The following RAD51AP1 variants were observed in gnomAD, a reference collection of about 807,000 sequenced individuals.
RAD51AP1 encodes the protein RAD51 associated protein 1, also known as RAD51-associated protein 1.
A neutral mutation model predicts 34.3 loss-of-function variants in RAD51AP1; 14 were observed. The ratio of observed to expected loss-of-function variants is 0.41; its 90% CI spans 0.27 to 0.64. The LOEUF (loss-of-function observed/expected upper bound fraction) is 0.64, where lower values mean the gene tolerates loss of function less well. RAD51AP1 is among the 30% of genes least tolerant of loss of function. The pLI is 0.33. For synonymous variants in RAD51AP1, 114 were observed against 129.8 expected (o/e 0.88, Z 0.83); for missense variants, 348 against 386.9 (o/e 0.90, Z 0.84).
At position 4,542,788 on chromosome 12, in the gene RAD51AP1, T is replaced by C. The variant is rs1348017284; in HGVS notation, c.67+855T>C. Among the ~76,000 whole-genome samples the C allele has an allele frequency of 2.0e-5, 3 of 152,232 alleles. No homozygotes were observed. The South Asian group carries it at 6.2e-4, about 31-fold the overall frequency. Reference sequence around the variant, plus strand: ...TATACATGTGGAAAAGCCACAGCAGTAGTTTTACGTTGACAGTCAAGAGTA... The same window carrying C: ...TATACATGTGGAAAAGCCACAGCAGCAGTTTTACGTTGACAGTCAAGAGTA... On this transcript the variant is annotated intron_variant, in intron 2 of 8. Coordinates refer to ENST00000352618, the MANE Select transcript of RAD51AP1 (RefSeq NM_006479.5).
chr12:4,543,141 A>G (rs1211403978), intron 2 of RAD51AP1, among the ~76,000 whole-genome samples: 1 of 152,044 alleles, frequency 6.6e-6, no homozygotes, highest in East Asian at 1.9e-4. Context: ...GCTCACTGCA[A>G]CCTCTGCCTC....
intron 6 of RAD51AP1, among the ~76,000 whole-genome samples, chr12:4,550,230 A>T (rs951852502): frequency 2.6e-5 from 4 of 152,176 alleles, no homozygotes; most frequent in African/African-American, 9.7e-5. Context: ...GATTAGTTGG[A>T]CCCCATTTCT....
Position 4,548,153 on chromosome 12 carries a change from T to G in RAD51AP1, c.381T>G (p.Asn127Lys). 8 of 1,602,442 alleles carry G rather than the reference T, an allele frequency of 5.0e-6. No homozygotes were observed. Among genetic ancestry groups the G allele is most frequent in the Non-Finnish European group, 6.8e-6 (8 of 1,177,320 alleles). ...TGAATAAGTCTCCTCATATCTCTAA[T>G]TGCAGTGTAGCCAGTGATTATTTAG... ...ETMNKSPHISNCSVASDYLDL... is the reference protein window; with the variant it reads ...ETMNKSPHISKCSVASDYLDL... The change falls in exon 5 of 9, where the codon AAT (asparagine) becomes AAG (lysine). Residue 127 changes from asparagine (N) to lysine (K), a missense_variant. Transcript: ENST00000352618.
chr12:4,549,381 A>G (rs1479410208), intron 6 of RAD51AP1, among the ~76,000 whole-genome samples: 2 of 152,238 alleles, frequency 1.3e-5, no homozygotes. Flanking sequence ...TATTAATTAA[A>G]AATTTAAATT....
intron 6 of RAD51AP1, 126 bp downstream of exon 6, chr12:4,548,962 A>G (rs1341226394): frequency 3.0e-6 from 3 of 984,048 alleles, no homozygotes; most frequent in Admixed American, 5.3e-5. Context: ...GACACACAGA[A>G]CAGTTCAATT....
At chr12:4,548,356 C>A (rs893819313) in intron 5 of RAD51AP1, among the ~76,000 whole-genome samples, 178 bp downstream of exon 5, 3 of 152,214 alleles carry the variant, frequency 2.0e-5, no homozygotes, top group Non-Finnish European at 2.9e-5. Flanking sequence ...GACACACATT[C>A]TTCCCTGAAG....
chr12:4,555,472 A>T (rs1944575537), intron 7 of RAD51AP1, among the ~76,000 whole-genome samples: 1 of 152,168 alleles, frequency 6.6e-6, no homozygotes, highest in Non-Finnish European at 1.5e-5. Context: ...TTTAAAATAC[A>T]AATCACTCCT....
At chr12:4,545,142 T>A in intron 3 of RAD51AP1, 1 of 415,992 alleles carries the variant, frequency 2.4e-6, no homozygotes. Context: ...TAAAAAAAAA[T>A]GGAGGCAATC....
chr12:4,550,486 C>T (rs1407667812), intron 6 of RAD51AP1: 2 of 152,260 alleles, frequency 1.3e-5, no homozygotes, highest in Non-Finnish European at 2.9e-5. Context: ...TAACAGCCCT[C>T]ATGGGACCTG....
chr12:4,544,795 G>A (rs1317944768), intron 3 of RAD51AP1, among the ~76,000 whole-genome samples: 1 of 152,120 alleles, frequency 6.6e-6, no homozygotes, highest in African/African-American at 2.4e-5. Flanking sequence ...ACTTTCTCCA[G>A]AGAAGATAAA....
chr12:4,539,931 C>T (rs538750064), intron 1 of RAD51AP1, among the ~76,000 whole-genome samples: 1 of 152,052 alleles, frequency 6.6e-6, no homozygotes. Flanking sequence ...AGGTCACTGG[C>T]TGTTGGTGGA....
chr12:4,545,138 A>G, intron 3 of RAD51AP1: 1 of 418,662 alleles, frequency 2.4e-6, no homozygotes, highest in Non-Finnish European at 4.7e-6. Context: ...TAGCTAAAAA[A>G]AAATGGAGGC....
Position 4,543,800 on chromosome 12 carries a change from A to G in RAD51AP1, c.105A>G (p.Lys35=), listed in dbSNP as rs1944486134. 6.2e-7 allele frequency: 1 copy of G among 1,611,672 alleles called. No individual in the cohort carries two copies. Among genetic ancestry groups the G allele is most frequent in the Non-Finnish European group, 8.5e-7 (1 of 1,178,702 alleles). The part of the protein sequence containing the change: ...FVSATVPLNK[K]SRTAPKELKQ... ...CTGCAACTGTACCTTTAAACAAGAA[A>G]TCCAGAACAGCACCAAAGGAGTTAA... Residue 35 remains lysine (K), a synonymous_variant, in exon 3 of 9, where the codon AAA becomes AAG. Transcript: ENST00000352618.
chr12:4,545,930 T>C, intron 3 of RAD51AP1: 1 of 1,396,774 alleles, frequency 7.2e-7, no homozygotes, highest in Non-Finnish European at 9.9e-7. Context: ...CTATAAAATC[T>C]GCTAAAGGGG....
In RAD51AP1 at chr12:4,538,947, G is replaced by A. The variant is rs772449982; in HGVS notation, c.8G>A (p.Arg3Gln). The A allele has an allele frequency of 4.3e-6, 7 of 1,613,958 alleles. No homozygotes were observed. The African/African-American group carries it at 5.3e-5, about 12-fold the overall frequency. The change falls in exon 1 of 9, where the codon CGG (arginine) becomes CAG (glutamine). Residue 3 changes from arginine (R) to glutamine (Q), a missense_variant. Transcript: ENST00000352618. Reference protein sequence around the residue: MVRPVRHKKPVNY... With the variant: MVQPVRHKKPVNY... ...CAAGCCTTGAAAGGGACCATGGTGC[G>A]GCCTGTGAGGTGGGTAGTTCCTGAC...
At chr12:4,557,458 A>G (rs1944590611) in intron 8 of RAD51AP1, among the ~76,000 whole-genome samples, 1 of 152,338 alleles carries the variant, frequency 6.6e-6, no homozygotes, top group South Asian at 2.1e-4. Context: ...TTTAAAGTCC[A>G]TTCTGGTTTA....
chr12:4,548,291 C>T (rs1249875258), intron 5 of RAD51AP1, 113 bp downstream of exon 5: 36 of 1,366,872 alleles, frequency 2.6e-5, no homozygotes, highest in Non-Finnish European at 3.5e-5. Flanking sequence ...TCAAGACTCT[C>T]TTGATGTCAT....
At chr12:4,558,281 A>G (rs1355117902) in intron 8 of RAD51AP1, among the ~76,000 whole-genome samples, 1 of 152,230 alleles carries the variant, frequency 6.6e-6, no homozygotes, top group Non-Finnish European at 1.5e-5. Context: ...ATAGGGTAGC[A>G]GGTATAATTA....
At chr12:4,540,553 T>TAAA (rs34322898) in intron 1 of RAD51AP1, among the ~76,000 whole-genome samples, 3 of 125,258 alleles carry the variant, frequency 2.4e-5, no homozygotes, top group African/African-American at 2.9e-5. Context: ...CTCTTAAAAG[T>TAAA]AAAAAAAAAA....
Sources: allele counts gnomAD v4.1 joint callset (sites outside exome capture counted in the v4.1 genomes callset), GRCh38; gene constraint gnomAD v4.1.1; transcripts MANE v1.5; gene names NCBI Gene and HGNC (gene_info 2026-07-23, HGNC 2026-07-21).